TTC17: variants seen among roughly 807,000 people sequenced by gnomAD.
TTC17 encodes the protein tetratricopeptide repeat protein 17.
In TTC17, 58 loss-of-function variants were observed where a neutral mutation model predicts 143.8. The observed-to-expected ratio is 0.40, with a 90% confidence interval of 0.33 to 0.50. The LOEUF is 0.50. Among genes scored for constraint, TTC17 ranks in the 20% least tolerant of loss-of-function variants. TTC17 has a pLI of 0.49. For synonymous variants in TTC17, 501 were observed against 497.8 expected, an observed-to-expected ratio of 1.01 and a Z score of -0.09; for missense variants, 1,273 against 1,392.5, an observed-to-expected ratio of 0.91 and a Z score of 1.37.
intron 21 of TTC17, among the ~76,000 whole-genome samples, chr11:43,463,879 AT>A (rs1947918006): frequency 6.6e-6 from 1 of 152,274 alleles, no homozygotes; most frequent in Non-Finnish European, 1.5e-5. Flanking sequence ...ATGGGAAAGA[AT>A]AAAAGACTAA....
intron 21 of TTC17, among the ~76,000 whole-genome samples, chr11:43,458,193 T>C (rs1350221951): frequency 6.6e-6 from 1 of 152,152 alleles, no homozygotes; most frequent in Non-Finnish European, 1.5e-5. Flanking sequence ...CTTATGTTGC[T>C]GGGGCTACAC....
intron 1 of TTC17, among the ~76,000 whole-genome samples, chr11:43,362,392 A>G (rs1053534959): frequency 6.6e-6 from 1 of 152,156 alleles, no homozygotes; most frequent in Admixed American, 6.5e-5. Context: ...TTATATTTCA[A>G]GGTTTAGCAG....
At chr11:43,397,013 A>T (rs1590352380) in intron 6 of TTC17, 195 bp downstream of exon 6, 2 of 478,860 alleles carry the variant, frequency 4.2e-6, no homozygotes, top group East Asian at 6.0e-5. Context: ...ATTGTGTAAT[A>T]TACTTTCCAT....
intron 16 of TTC17, among the ~76,000 whole-genome samples, chr11:43,425,073 C>G (rs1178608125): frequency 3.3e-5 from 5 of 152,116 alleles, no homozygotes; most frequent in Admixed American, 1.3e-4. Flanking sequence ...ATTCATCATT[C>G]TAGATGTTTT....
chr11:43,364,836 G>A (rs1347171373), intron 1 of TTC17, among the ~76,000 whole-genome samples: 3 of 151,770 alleles, frequency 2.0e-5, no homozygotes, highest in Admixed American at 6.6e-5. Context: ...ACAGAGTTTC[G>A]CTCTTGTTGC....
chr11:43,493,630 T>C (rs1213942793), intron 23 of TTC17, 143 bp from the exon 24 acceptor site: 2 of 1,270,344 alleles, frequency 1.6e-6, no homozygotes, highest in African/African-American at 3.0e-5. Context: ...AACCTCAGAG[T>C]TTTCCACAAA....
chr11:43,382,042 A>G (rs1163888501), intron 2 of TTC17, among the ~76,000 whole-genome samples: 2 of 152,238 alleles, frequency 1.3e-5, no homozygotes, highest in African/African-American at 2.4e-5. Flanking sequence ...TTTGTTAGTC[A>G]TTGACAGATA....
chr11:43,422,118 C>T (rs899398060), intron 16 of TTC17, among the ~76,000 whole-genome samples: 4 of 152,178 alleles, frequency 2.6e-5, no homozygotes, highest in East Asian at 1.9e-4. Context: ...AGAAATGATC[C>T]TATTTGGAAT....
At chr11:43,377,768 C>G (rs1181955703) in intron 1 of TTC17, among the ~76,000 whole-genome samples, 1 of 152,084 alleles carries the variant, frequency 6.6e-6, no homozygotes, top group African/African-American at 2.4e-5. Flanking sequence ...TATCTAGTAA[C>G]TTTTTAATCT....
At chr11:43,420,610 G>C (rs571805009) in intron 16 of TTC17, among the ~76,000 whole-genome samples, 1 of 151,926 alleles carries the variant, frequency 6.6e-6, no homozygotes, top group Admixed American at 6.6e-5. Context: ...TTTTCTTTTG[G>C]GATTTCCAGC....
At chr11:43,367,699 AAAC>A (rs1316133305) in intron 1 of TTC17, among the ~76,000 whole-genome samples, 2 of 148,592 alleles carry the variant, frequency 1.3e-5, no homozygotes, top group Non-Finnish European at 3.0e-5. Context: ...GCAGAAGTGA[AAAC>A]AAGGGGAATG....
chr11:43,450,296 T>C, intron 20 of TTC17, 55 bp downstream of exon 20: 3 of 1,558,108 alleles, frequency 1.9e-6, no homozygotes, highest in African/African-American at 1.4e-5. Flanking sequence ...AGGATGCACA[T>C]TGATACTACA....
At chr11:43,376,930 T>C (rs779571769) in intron 1 of TTC17, among the ~76,000 whole-genome samples, 2 of 152,312 alleles carry the variant, frequency 1.3e-5, no homozygotes, top group East Asian at 3.9e-4. Flanking sequence ...TACAGCATGT[T>C]ATGGTTCTGT....
At chr11:43,405,724 T>C (rs1858091142) in intron 12 of TTC17, 62 bp from the exon 13 acceptor site, 1 of 1,611,780 alleles carries the variant, frequency 6.2e-7, no homozygotes, top group African/African-American at 1.3e-5. Context: ...AAAAGTTAAG[T>C]CTTTATCTTG....
At chr11:43,490,153 C>T (rs994889521) in intron 21 of TTC17, 86 bp from the exon 22 acceptor site, 4 of 1,521,928 alleles carry the variant, frequency 2.6e-6, no homozygotes, top group Non-Finnish European at 1.8e-6. Context: ...GTTGAATGGT[C>T]ATGACTTGTG....
At position 43,491,889 on chromosome 11, in the gene TTC17, A is replaced by G. The variant is rs533318370; in HGVS notation, c.3151-131A>G. 3.3e-5 allele frequency: 41 copies of G among 1,225,880 alleles called. No individual in the cohort carries two copies. The East Asian group carries it at 5.7e-4, about 17-fold the overall frequency. 75.9% of individuals were successfully genotyped at this position (1,225,880 alleles called of 1,614,324 possible). Reference sequence around the variant, plus strand: ...TCACAGACCAGTAGCAAACAGCACAAAAGCACTTTGAGTGGCACTGTTCTA... The same window carrying G: ...TCACAGACCAGTAGCAAACAGCACAGAAGCACTTTGAGTGGCACTGTTCTA... On this transcript the variant is annotated intron_variant, in intron 22 of 23. Coordinates refer to ENST00000039989, the MANE Select transcript of TTC17 (RefSeq NM_018259.6).
chr11:43,450,941 T>C (rs994762303), intron 20 of TTC17, among the ~76,000 whole-genome samples: 2 of 152,226 alleles, frequency 1.3e-5, no homozygotes, highest in African/African-American at 4.8e-5. Context: ...CTCTGTGTTC[T>C]AGTGTTGCTA....
At chr11:43,403,932 GTTAAA>G in intron 10 of TTC17, 61 bp from the exon 11 acceptor site, 3 of 1,409,944 alleles carry the variant, frequency 2.1e-6, no homozygotes, top group South Asian at 2.9e-5. Flanking sequence ...TTTGGTGTGA[GTTAAA>G]TTATAATCAC....
chr11:43,383,816 T>C (rs964917865), intron 2 of TTC17, among the ~76,000 whole-genome samples: 1 of 152,070 alleles, frequency 6.6e-6, no homozygotes, highest in Non-Finnish European at 1.5e-5. Context: ...CAAAACATAC[T>C]GAAATATTTA....
Sources: allele counts gnomAD v4.1 joint callset (sites outside exome capture counted in the v4.1 genomes callset), GRCh38; gene constraint gnomAD v4.1.1; transcripts MANE v1.5; gene names NCBI Gene and HGNC (gene_info 2026-07-23, HGNC 2026-07-21).